Variants in CYP3A7 observed in about 807,000 individuals in gnomAD.
The protein encoded by CYP3A7 is cytochrome P450 family 3 subfamily A member 7.
A neutral mutation model predicts 55.2 loss-of-function variants in CYP3A7; 45 were observed. The ratio of observed to expected loss-of-function variants is 0.82; its 90% confidence interval spans 0.64 to 1.05. The LOEUF (loss-of-function observed/expected upper bound fraction) is 1.05. Ranked by LOEUF, CYP3A7 falls within the 50% of genes least tolerant of loss-of-function variation. CYP3A7 has a pLI of 0.00. For synonymous variants in CYP3A7, 180 were observed against 207.4 expected (o/e 0.87, Z 1.13); for missense variants, 548 against 605.3 (o/e 0.91, Z 0.99).
At chr7:99,720,215 G>C in intron 4 of CYP3A7, 98 bp downstream of exon 4, 1 of 1,471,612 alleles carries the variant, frequency 6.8e-7, no homozygotes. Flanking sequence ...GAACCTTCCT[G>C]CACAGTTTTT....
At chr7:99,716,047 C>G in intron 6 of CYP3A7, 141 bp from the exon 7 acceptor site, 1 of 1,523,840 alleles carries the variant, frequency 6.6e-7, no homozygotes, top group Non-Finnish European at 9.0e-7. Context: ...GAGCATCTCC[C>G]ATCACACTCC....
At chr7:99,727,443 C>T (rs1814455834) in intron 2 of CYP3A7, among the ~76,000 whole-genome samples, 2 of 152,334 alleles carry the variant, frequency 1.3e-5, no homozygotes, top group South Asian at 4.1e-4. Context: ...GCAATACCCA[C>T]TCTCTGTTGA....
intron 2 of CYP3A7, chr7:99,730,461 G>A (rs780644415): frequency 1.3e-4 from 20 of 153,624 alleles, no homozygotes; most frequent in Non-Finnish European, 2.5e-4. Flanking sequence ...TCTCAAAGTG[G>A]CAACAGATGT....
chr7:99,717,378 A>T, intron 5 of CYP3A7, 113 bp from the exon 6 acceptor site: 1 of 1,596,946 alleles, frequency 6.3e-7, no homozygotes, highest in Non-Finnish European at 8.6e-7. Context: ...GAATTTTATG[A>T]TGTGTTTTCT....
chr7:99,707,441 C>T (rs1197951966), intron 12 of CYP3A7, among the ~76,000 whole-genome samples: 2 of 152,196 alleles, frequency 1.3e-5, no homozygotes, highest in African/African-American at 4.8e-5. Context: ...AAAACTTCTA[C>T]AAGTTCTGGG....
chr7:99,725,557 C>T (rs899810616), intron 2 of CYP3A7, among the ~76,000 whole-genome samples: 2 of 152,220 alleles, frequency 1.3e-5, no homozygotes, highest in Non-Finnish European at 2.9e-5. Context: ...AAAAGCCTGG[C>T]CACTGGGCCT....
At chr7:99,717,452 T>C (rs1584513254) in intron 5 of CYP3A7, 74 bp downstream of exon 5, 3 of 1,596,964 alleles carry the variant, frequency 1.9e-6, no homozygotes, top group East Asian at 4.5e-5. Flanking sequence ...AAAGGAACTC[T>C]GATCTTACTT....
At chr7:99,730,720 A>G (rs149297393) in intron 2 of CYP3A7, 1 of 275,050 alleles carries the variant, frequency 3.6e-6, no homozygotes, top group Non-Finnish European at 7.0e-6. Context: ...TCCTACTTTT[A>G]ATACTAACTA....
At chr7:99,730,347 A>T (rs572810572) in intron 2 of CYP3A7, among the ~76,000 whole-genome samples, 1 of 152,344 alleles carries the variant, frequency 6.6e-6, no homozygotes, top group South Asian at 2.1e-4. Context: ...AGGTTAATAG[A>T]CAACCACTAT....
intron 2 of CYP3A7, among the ~76,000 whole-genome samples, chr7:99,722,993 A>T (rs1026102115): frequency 4.0e-5 from 6 of 151,664 alleles, no homozygotes; most frequent in Non-Finnish European, 5.9e-5. Context: ...GAGACAGAAA[A>T]TTATGACACT....
chr7:99,714,021 GAGTTAGCC>G (rs1392020054), intron 8 of CYP3A7, among the ~76,000 whole-genome samples: 1 of 152,084 alleles, frequency 6.6e-6, no homozygotes, highest in Non-Finnish European at 1.5e-5. Flanking sequence ...AGGCAAAGCT[GAGTTAGCC>G]AGCCTTGCAG....
chr7:99,727,279 G>A (rs1224031591), intron 2 of CYP3A7, among the ~76,000 whole-genome samples: 5 of 152,196 alleles, frequency 3.3e-5, no homozygotes, highest in African/African-American at 1.2e-4. Context: ...TGGTCATCAT[G>A]TCTCTGTGCA....
In CYP3A7 at chr7:99,717,026, C is replaced by T. The variant is rs949374554; in HGVS notation, c.521+151G>A. The T allele has an allele frequency of 1.1e-5, 8 of 757,130 alleles. No homozygotes were observed. In the African/African-American group the frequency reaches 1.4e-4, roughly 13 times the overall value. The allele number at this position is 757,130 out of a possible 1,614,324, so 46.9% of individuals were successfully genotyped here. A position where few individuals can be genotyped will look rare whatever the true frequency, so the allele number is the denominator to read the frequency against. ...TGCCCCACCTCCTCATCGGAGCTGC[C>T]CCATCTTGGGAGACCCATTGAAGTT... On this transcript the variant is annotated intron_variant, in intron 6 of 12. Coordinates refer to ENST00000336374, the MANE Select transcript of CYP3A7 (RefSeq NM_000765.5).
At chr7:99,727,384 T>G (rs1814453846) in intron 2 of CYP3A7, among the ~76,000 whole-genome samples, 1 of 152,148 alleles carries the variant, frequency 6.6e-6, no homozygotes, top group African/African-American at 2.4e-5. Flanking sequence ...CAAAATATAT[T>G]TCCTTCCTCA....
rs1584512822 is a variant in CYP3A7, at chr7:99,717,122, G to A, written c.521+55C>T. On this transcript the variant is annotated intron_variant, in intron 6 of 12. Transcript: ENST00000336374. ...CAGCGGGAGTATCAGCTCCATAGCA[G>A]GCAGCTGGAGGGGCTCATGACAGCT... 9 of 1,608,418 alleles carry A rather than the reference G, an allele frequency of 5.6e-6. No homozygotes were observed. In the East Asian group the frequency reaches 2.0e-4, roughly 36 times the overall value.
chr7:99,710,862 G>C lies in CYP3A7; in HGVS notation c.896C>G (p.Ser299Ter), dbSNP rs1813722535. The C allele has an allele frequency of 6.2e-7, 1 of 1,613,660 alleles. No homozygotes were observed. The highest frequency in any genetic ancestry group is 1.3e-5 in the African/African-American group (1 of 74,894). The change falls in exon 10 of 13, where the codon TCA becomes TGA. Residue 299 changes from serine (S) to a stop codon, truncating the protein, a stop_gained. Transcript: ENST00000336374. LOFTEE classifies it high-confidence loss of function. ...ATAGCCAGCAAAAATAAAGATAATT[G>C]ATTGGGCCATGAGCTCCAGATCAGA... is the stretch of plus-strand genomic sequence containing the variant. Reference protein sequence around the residue: ...ALSDLELMAQSIIFIFAGYET... With the variant: ...ALSDLELMAQ
chr7:99,709,647 A>C (rs1813668778), intron 10 of CYP3A7, among the ~76,000 whole-genome samples: 1 of 152,206 alleles, frequency 6.6e-6, no homozygotes, highest in South Asian at 2.1e-4. Flanking sequence ...TAACCAAGGA[A>C]GTGAAAACAG....
At chr7:99,715,943 C>G (rs767671357) in intron 6 of CYP3A7, 37 bp from the exon 7 acceptor site, 14 of 1,612,810 alleles carry the variant, frequency 8.7e-6, no homozygotes, top group Non-Finnish European at 1.2e-5. Context: ...AAAATCAGCA[C>G]CTCTTTACCA....
chr7:99,708,043 T>G, intron 11 of CYP3A7, 69 bp from the exon 12 acceptor site: 1 of 1,610,632 alleles, frequency 6.2e-7, no homozygotes, highest in Admixed American at 1.7e-5. Context: ...ATGTTAGGGT[T>G]TCTTACTTAG....
Sources: gnomAD v4.1 joint callset for allele counts (sites outside exome capture counted in the v4.1 genomes callset) on GRCh38, gnomAD v4.1.1 for gene constraint, MANE v1.5 for transcripts, NCBI Gene and HGNC (gene_info 2026-07-23, HGNC 2026-07-21) for gene names.